Variants in NRXN3 observed in about 807,000 individuals in gnomAD.
The protein encoded by NRXN3 is neurexin III.
In NRXN3, 32 loss-of-function variants were observed where a neutral mutation model predicts 137.6. The observed-to-expected ratio is 0.23, with a 90% confidence interval of 0.18 to 0.31. The LOEUF (loss-of-function observed/expected upper bound fraction) is 0.31, where lower values mean the gene tolerates loss of function less well. Among genes scored for constraint, NRXN3 ranks in the 10% least tolerant of loss-of-function variants. NRXN3 has a pLI of 1.00. For missense variants in NRXN3, 1,574 were observed against 2,062.5 expected (o/e 0.76, Z 4.59); for synonymous variants, 798 against 784.5 (o/e 1.02, Z -0.29).
chr14:78,340,781 A>G (rs1338589817), intron 4 of NRXN3, among the ~76,000 whole-genome samples: 2 of 152,190 alleles, frequency 1.3e-5, no homozygotes, highest in African/African-American at 4.8e-5. Flanking sequence ...AAGCAAGTCT[A>G]AAGGCCCAGC....
Position 79,260,334 on chromosome 14 carries a change from C to T in NRXN3, c.3263-206887C>T, listed in dbSNP as rs76876483. ...TTAAGAATTGTTAAAAAGGCAGACA[C>T]GTCTTGGGATGCTAGCAGGTGGGAA... On this transcript the variant is annotated intron_variant, in intron 15 of 20. Transcript: ENST00000335750. Among the ~76,000 whole-genome samples the T allele has an allele frequency of 2.4e-3, 372 of 152,198 alleles. 1 individual carries two copies. The highest frequency in any genetic ancestry group is 8.4e-3 in the African/African-American group (347 of 41,518).
chr14:78,530,182 C>T (rs1487958661), intron 4 of NRXN3, among the ~76,000 whole-genome samples: 2 of 152,162 alleles, frequency 1.3e-5, no homozygotes, highest in African/African-American at 4.8e-5. Context: ...ATTATGCCCT[C>T]CAGACACCAG....
intron 20 of NRXN3, among the ~76,000 whole-genome samples, chr14:79,805,771 T>G (rs2140640876): frequency 6.6e-6 from 1 of 152,322 alleles, no homozygotes; most frequent in African/African-American, 2.4e-5. Flanking sequence ...TCTAGAAAAC[T>G]TGTGCAACAA....
intron 4 of NRXN3, among the ~76,000 whole-genome samples, chr14:78,533,756 C>T (rs1332839804): frequency 1.3e-5 from 2 of 152,236 alleles, no homozygotes; most frequent in African/African-American, 4.8e-5. Flanking sequence ...TTTCTGCACT[C>T]ACTTTCTCCA....
chr14:79,356,288 G>A (rs1422977193), intron 15 of NRXN3, among the ~76,000 whole-genome samples: 1 of 152,120 alleles, frequency 6.6e-6, no homozygotes, highest in African/African-American at 2.4e-5. Flanking sequence ...GAGTATGTGT[G>A]GGGGTGTGTT....
At chr14:78,306,321 A>G (rs1374353742) in intron 4 of NRXN3, among the ~76,000 whole-genome samples, 2 of 152,186 alleles carry the variant, frequency 1.3e-5, no homozygotes, top group African/African-American at 2.4e-5. Context: ...ATAATGATCT[A>G]TCTGTTTGTA....
At chr14:78,700,176 G>C (rs1378688983) in intron 6 of NRXN3, among the ~76,000 whole-genome samples, 1 of 152,180 alleles carries the variant, frequency 6.6e-6, no homozygotes, top group African/African-American at 2.4e-5. Flanking sequence ...CCATGGTCTA[G>C]AGCTAAAGAT....
intron 4 of NRXN3, among the ~76,000 whole-genome samples, chr14:78,530,973 G>T (rs1007416391): frequency 6.7e-4 from 102 of 152,128 alleles, no homozygotes; most frequent in African/African-American, 2.4e-3. Context: ...CTTGACTATT[G>T]GGTCTCTCAC....
At chr14:79,173,500 C>T (rs957069713) in intron 15 of NRXN3, among the ~76,000 whole-genome samples, 6 of 136,868 alleles carry the variant, frequency 4.4e-5, no homozygotes, top group African/African-American at 1.7e-4. Flanking sequence ...CCCTGCACTC[C>T]AGCCTAGGTG....
chr14:78,596,644 A>G (rs2152422079), intron 4 of NRXN3, among the ~76,000 whole-genome samples: 1 of 152,308 alleles, frequency 6.6e-6, no homozygotes, highest in Non-Finnish European at 1.5e-5. Context: ...AAAGAGCCAT[A>G]GAGAGAACTG....
intron 15 of NRXN3, among the ~76,000 whole-genome samples, chr14:79,334,626 T>A (rs1331015866): frequency 6.6e-6 from 1 of 152,298 alleles, no homozygotes; most frequent in East Asian, 1.9e-4. Context: ...TATTTTAAAA[T>A]CATCTTGGCG....
intron 16 of NRXN3, among the ~76,000 whole-genome samples, chr14:79,631,855 T>C (rs1392604311): frequency 2.6e-5 from 4 of 151,976 alleles, no homozygotes; most frequent in Non-Finnish European, 4.4e-5. Context: ...TCTGTCTAGC[T>C]AAAGGATTGT....
chr14:78,673,360 C>T (rs1001071747), intron 6 of NRXN3, among the ~76,000 whole-genome samples: 1 of 152,174 alleles, frequency 6.6e-6, no homozygotes, highest in Admixed American at 6.5e-5. Context: ...TTTCATTTTA[C>T]AGGGCAGCCA....
chr14:78,621,735 A>G (rs2097406620), intron 4 of NRXN3, among the ~76,000 whole-genome samples: 2 of 152,240 alleles, frequency 1.3e-5, no homozygotes, highest in African/African-American at 4.8e-5. Flanking sequence ...TAGATGCCCT[A>G]TGTGTTTCGG....
intron 11 of NRXN3, among the ~76,000 whole-genome samples, chr14:78,962,185 T>C (rs1338151991): frequency 6.6e-6 from 1 of 152,172 alleles, no homozygotes; most frequent in Admixed American, 6.5e-5. Flanking sequence ...GAGTTCAATG[T>C]AGGGGTCTAC....
chr14:78,532,490 G>GAGA (rs2096481773), intron 4 of NRXN3, among the ~76,000 whole-genome samples: 1 of 149,864 alleles, frequency 6.7e-6, no homozygotes, highest in Non-Finnish European at 1.5e-5. Flanking sequence ...TTCAGGTTTA[G>GAGA]AGATGACTTC....
At chr14:78,995,378 C>A (rs1355221604) in intron 15 of NRXN3, among the ~76,000 whole-genome samples, 1 of 152,156 alleles carries the variant, frequency 6.6e-6, no homozygotes, top group African/African-American at 2.4e-5. Flanking sequence ...TGCTTTATTT[C>A]AATTCCAACA....
intron 10 of NRXN3, among the ~76,000 whole-genome samples, chr14:78,921,034 C>T (rs1387732372): frequency 6.6e-6 from 1 of 152,184 alleles, no homozygotes; most frequent in African/African-American, 2.4e-5. Context: ...CTCTCCAACC[C>T]AGATGTCAGG....
At chr14:79,241,000 C>T (rs1221728275) in intron 15 of NRXN3, among the ~76,000 whole-genome samples, 2 of 152,060 alleles carry the variant, frequency 1.3e-5, no homozygotes, top group African/African-American at 2.4e-5. Flanking sequence ...GTCCTTCCCC[C>T]TTTATATCTT....
Sources: allele counts gnomAD v4.1 joint callset (sites outside exome capture counted in the v4.1 genomes callset), GRCh38; gene constraint gnomAD v4.1.1; transcripts MANE v1.5; gene names NCBI Gene and HGNC (gene_info 2026-07-23, HGNC 2026-07-21).